Variants in DLG2 observed in about 807,000 individuals in gnomAD.
The protein encoded by DLG2 is discs large MAGUK scaffold protein 2.
DLG2 carries 45 observed loss-of-function variants against 132.5 expected under a neutral mutation model. The observed-to-expected ratio is 0.34, with a 90% CI of 0.27 to 0.44. DLG2 has a LOEUF of 0.44. Among genes scored for constraint, DLG2 ranks in the 20% least tolerant of loss-of-function variants. The pLI, the probability that DLG2 is intolerant of heterozygous loss-of-function variation, is 1.00. For synonymous variants in DLG2, 424 were observed against 419.6 expected (o/e 1.01, Z -0.13); for missense variants, 1,045 against 1,196.9 (o/e 0.87, Z 1.87).
intron 15 of DLG2, among the ~76,000 whole-genome samples, chr11:83,895,224 A>T (rs539293660): frequency 7.1e-6 from 1 of 141,816 alleles, no homozygotes; most frequent in East Asian, 2.0e-4. Flanking sequence ...CAATGGCAAG[A>T]TCTCAGCTCA....
intron 16 of DLG2, among the ~76,000 whole-genome samples, chr11:83,834,603 A>G (rs2055587899): frequency 6.6e-6 from 1 of 152,178 alleles, no homozygotes; most frequent in Admixed American, 6.5e-5. Context: ...GGAAATAGTG[A>G]GATATCCAGG....
chr11:85,002,179 C>A (rs2058276461), intron 6 of DLG2, among the ~76,000 whole-genome samples: 2 of 151,884 alleles, frequency 1.3e-5, no homozygotes. Context: ...TTCTCAAACC[C>A]CCAAATACAT....
At chr11:84,732,423 A>C (rs896478632) in intron 6 of DLG2, among the ~76,000 whole-genome samples, 4 of 151,984 alleles carry the variant, frequency 2.6e-5, no homozygotes, top group African/African-American at 9.7e-5. Flanking sequence ...CTTCACCATC[A>C]CCTGGTATTG....
chr11:85,192,750 A>C (rs764992755), intron 4 of DLG2, among the ~76,000 whole-genome samples: 5 of 151,992 alleles, frequency 3.3e-5, no homozygotes, highest in Non-Finnish European at 7.4e-5. Context: ...CATTCCTCTT[A>C]TTCCTTCTGT....
chr11:84,205,455 A>G (rs1298401421), intron 8 of DLG2, among the ~76,000 whole-genome samples: 1 of 152,056 alleles, frequency 6.6e-6, no homozygotes, highest in Non-Finnish European at 1.5e-5. Flanking sequence ...CACATAAAAC[A>G]CTCATCAAGT....
intron 7 of DLG2, among the ~76,000 whole-genome samples, chr11:84,347,475 T>A (rs890017829): frequency 6.6e-5 from 10 of 152,322 alleles, no homozygotes; most frequent in Non-Finnish European, 1.2e-4. Context: ...CCCTTGACTA[T>A]CTCCACTATA....
intron 6 of DLG2, among the ~76,000 whole-genome samples, chr11:85,015,861 A>G (rs1439492790): frequency 6.6e-6 from 1 of 152,154 alleles, no homozygotes. Flanking sequence ...ATAATACTTT[A>G]TGGTAACTTA....
chr11:84,562,029 C>A (rs2099429677), intron 6 of DLG2, among the ~76,000 whole-genome samples: 1 of 151,666 alleles, frequency 6.6e-6, no homozygotes, highest in African/African-American at 2.4e-5. Context: ...CCTTATGTAA[C>A]CATAAGAATT....
At chr11:84,097,376 A>G (rs754792392) in intron 10 of DLG2, among the ~76,000 whole-genome samples, 2 of 152,166 alleles carry the variant, frequency 1.3e-5, no homozygotes, top group African/African-American at 4.8e-5. Context: ...GCCTGCCTTC[A>G]ACAAGAATCC....
At chr11:84,789,307 C>G (rs1395637483) in intron 6 of DLG2, among the ~76,000 whole-genome samples, 1 of 152,142 alleles carries the variant, frequency 6.6e-6, no homozygotes, top group Non-Finnish European at 1.5e-5. Flanking sequence ...ATGTACAGCA[C>G]TCAAAAACCT....
At chr11:84,925,544 C>T (rs1023369442) in intron 6 of DLG2, among the ~76,000 whole-genome samples, 42 of 152,062 alleles carry the variant, frequency 2.8e-4, no homozygotes, top group African/African-American at 1.0e-3. Context: ...GGAAATGGGG[C>T]ATTAACTACA....
intron 6 of DLG2, among the ~76,000 whole-genome samples, chr11:84,614,773 C>T (rs527905155): frequency 1.3e-3 from 197 of 152,176 alleles, no homozygotes; most frequent in African/African-American, 4.6e-3. Flanking sequence ...ATGAAGAATG[C>T]TATATAACAC....
chr11:84,948,263 G>C (rs1005663784), intron 6 of DLG2, among the ~76,000 whole-genome samples: 1 of 152,100 alleles, frequency 6.6e-6, no homozygotes, highest in Admixed American at 6.5e-5. Flanking sequence ...TTCTCTCTCT[G>C]TTACATTGTA....
At chr11:84,361,507 A>G (rs1313878422) in intron 7 of DLG2, among the ~76,000 whole-genome samples, 2 of 152,006 alleles carry the variant, frequency 1.3e-5, no homozygotes, top group Non-Finnish European at 2.9e-5. Context: ...ACAAAATCTT[A>G]TAATATTCAT....
intron 7 of DLG2, among the ~76,000 whole-genome samples, chr11:84,368,672 A>G (rs1309888254): frequency 6.6e-6 from 1 of 152,086 alleles, no homozygotes; most frequent in Non-Finnish European, 1.5e-5. Context: ...ATCTTTTATG[A>G]TTCTGTCTTA....
chr11:85,369,841 G>A (rs2084840346), intron 3 of DLG2, among the ~76,000 whole-genome samples: 1 of 152,214 alleles, frequency 6.6e-6, no homozygotes, highest in Non-Finnish European at 1.5e-5. Flanking sequence ...TCTGATTCAT[G>A]TGGCCTAAAG....
intron 9 of DLG2, among the ~76,000 whole-genome samples, chr11:84,124,376 T>C (rs761287587): frequency 6.6e-6 from 1 of 152,192 alleles, no homozygotes; most frequent in Non-Finnish European, 1.5e-5. Flanking sequence ...GGTTGTAAGA[T>C]CCAGAAATTC....
At chr11:85,070,754 A>G (rs1002113582) in intron 6 of DLG2, among the ~76,000 whole-genome samples, 5 of 151,648 alleles carry the variant, frequency 3.3e-5, no homozygotes, top group African/African-American at 1.2e-4. Flanking sequence ...ATCCTCTCCC[A>G]CCTTTTTCAC....
At chr11:84,017,919 G>A (rs777804517) in intron 11 of DLG2, among the ~76,000 whole-genome samples, 10 of 151,878 alleles carry the variant, frequency 6.6e-5, no homozygotes, top group Non-Finnish European at 1.5e-4. Flanking sequence ...GAGAAGTCAG[G>A]AATAATTCTT....
Sources: gnomAD v4.1 joint callset for allele counts (sites outside exome capture counted in the v4.1 genomes callset) on GRCh38, gnomAD v4.1.1 for gene constraint, MANE v1.5 for transcripts, NCBI Gene and HGNC (gene_info 2026-07-23, HGNC 2026-07-21) for gene names.